Variants in AKR1C3 observed in about 807,000 individuals in gnomAD.
AKR1C3 encodes the protein 3-alpha hydroxysteroid dehydrogenase, type II.
AKR1C3 carries 48 observed loss-of-function variants against 43.6 expected under a neutral mutation model. The ratio of observed to expected loss-of-function variants is 1.10; its 90% confidence interval spans 0.87 to 1.40. The LOEUF (loss-of-function observed/expected upper bound fraction) is 1.40, where lower values mean the gene tolerates loss of function less well. Ranked by LOEUF, AKR1C3 falls within the 40% of genes most tolerant of loss-of-function variation. The pLI, the probability that AKR1C3 is intolerant of heterozygous loss-of-function variation, is 0.00. For missense variants in AKR1C3, 482 were observed against 391.2 expected, an observed-to-expected ratio of 1.23 and a Z score of -1.96; for synonymous variants, 162 against 139.6, an observed-to-expected ratio of 1.16 and a Z score of -1.13.
intron 1 of AKR1C3, chr10:5,081,807 A>G (rs1165666470): frequency 5.3e-5 from 8 of 152,302 alleles, no homozygotes; most frequent in African/African-American, 1.4e-4. Context: ...ATAATGTGGT[A>G]CCATTCATCC....
intron 1 of AKR1C3, among the ~76,000 whole-genome samples, chr10:5,065,825 G>A (rs1242438298): frequency 6.6e-6 from 1 of 152,160 alleles, no homozygotes; most frequent in Non-Finnish European, 1.5e-5. Flanking sequence ...TTATTTTCTT[G>A]ACTCATTTCC....
intron 1 of AKR1C3, among the ~76,000 whole-genome samples, chr10:5,073,920 A>C (rs1394825682): frequency 6.6e-6 from 1 of 152,116 alleles, no homozygotes; most frequent in Non-Finnish European, 1.5e-5. Context: ...AGGGCCCCAA[A>C]ATCACTAAGC....
chr10:5,052,793 C>G (rs1163227703), intron 1 of AKR1C3, among the ~76,000 whole-genome samples: 1 of 151,642 alleles, frequency 6.6e-6, no homozygotes. Context: ...TAGCTAGATA[C>G]AGAGTGTCGA....
chr10:5,098,656 A>G (rs957440887), intron 3 of AKR1C3, 146 bp from the exon 4 acceptor site: 48 of 661,896 alleles, frequency 7.3e-5, no homozygotes, highest in Admixed American at 2.4e-4. Context: ...ATACCTTCAT[A>G]TGTAAAACAC....
At chr10:5,055,983 G>C (rs1838252774) in intron 1 of AKR1C3, among the ~76,000 whole-genome samples, 1 of 152,198 alleles carries the variant, frequency 6.6e-6, no homozygotes. Flanking sequence ...CTCTGGCTAA[G>C]ATTAGGCCTA....
chr10:5,095,338 A>G (rs1370970713), intron 1 of AKR1C3, among the ~76,000 whole-genome samples: 1 of 152,112 alleles, frequency 6.6e-6, no homozygotes, highest in African/African-American at 2.4e-5. Context: ...ACAAGGATAC[A>G]TTTTCTAGAC....
upstream of AKR1C3, among the ~76,000 whole-genome samples, chr10:5,089,574 ATTT>A (rs1298115797): frequency 1.3e-5 from 2 of 151,982 alleles, no homozygotes; most frequent in Non-Finnish European, 2.9e-5. Context: ...CCTTCAGTGA[ATTT>A]TTTTGTTTTC....
At chr10:5,089,772 A>G (rs1554783879), upstream of AKR1C3, among the ~76,000 whole-genome samples, 2 of 152,106 alleles carry the variant, frequency 1.3e-5, no homozygotes, top group African/African-American at 4.8e-5. Context: ...CTGGAGACTT[A>G]GTGTAATTTT....
At chr10:5,065,395 A>T (rs1441455769) in intron 1 of AKR1C3, among the ~76,000 whole-genome samples, 2 of 152,204 alleles carry the variant, frequency 1.3e-5, no homozygotes, top group Non-Finnish European at 2.9e-5. Flanking sequence ...AAATCTTTAC[A>T]TTCTCACAAA....
At chr10:5,070,868 C>T (rs561406334) in intron 1 of AKR1C3, among the ~76,000 whole-genome samples, 1 of 152,292 alleles carries the variant, frequency 6.6e-6, no homozygotes, top group Admixed American at 6.5e-5. Context: ...TTATAACTAA[C>T]CAGTCTGCAG....
In AKR1C3 at chr10:5,102,131, A is replaced by T. The variant is rs536138448; in HGVS notation, c.601A>T (p.Lys201Ter). ...VECHPYFNRS[K>*]LLDFCKSKDI... ...ATGTCATCCGTATTTCAACCGGAGT[A>T]AATTGCTAGATTTCTGCAAGTCGAA... The change falls in exon 6 of 9, where the codon AAA becomes TAA. Residue 201 changes from lysine to a stop codon, truncating the protein, a stop_gained. Coordinates refer to ENST00000380554, the MANE Select transcript of AKR1C3 (RefSeq NM_003739.6). LOFTEE classifies it high-confidence loss of function. The T allele has an allele frequency of 1.2e-6, 2 of 1,613,762 alleles. No individual in the cohort carries two copies. Among genetic ancestry groups the T allele is most frequent in the African/African-American group, 2.7e-5 (2 of 74,900 alleles).
intron 1 of AKR1C3, among the ~76,000 whole-genome samples, chr10:5,050,616 A>AT (rs1449256976): frequency 6.6e-6 from 1 of 152,260 alleles, no homozygotes; most frequent in Non-Finnish European, 1.5e-5. Context: ...TTTTATTAAT[A>AT]TAGAGGAAAA....
chr10:5,093,508 A>G (rs940278411), upstream of AKR1C3: 2 of 152,116 alleles, frequency 1.3e-5, no homozygotes, highest in Admixed American at 6.6e-5. Flanking sequence ...CTGCCCTCCA[A>G]AGGAAGGAAC....
upstream of AKR1C3, among the ~76,000 whole-genome samples, chr10:5,089,776 T>A (rs1329007801): frequency 6.6e-6 from 1 of 152,186 alleles, no homozygotes; most frequent in African/African-American, 2.4e-5. Flanking sequence ...AGACTTAGTG[T>A]AATTTTTTGA....
chr10:5,104,614 A>G (rs1433196385), intron 7 of AKR1C3, among the ~76,000 whole-genome samples: 1 of 152,020 alleles, frequency 6.6e-6, no homozygotes, highest in Non-Finnish European at 1.5e-5. Flanking sequence ...TCCATGAAAG[A>G]GTACATATTT....
intron 1 of AKR1C3, among the ~76,000 whole-genome samples, chr10:5,059,354 G>T (rs1290490136): frequency 1.3e-5 from 2 of 152,158 alleles, no homozygotes; most frequent in Non-Finnish European, 2.9e-5. Context: ...TTAGGACCCA[G>T]GGGGCAAGGG....
At chr10:5,060,525 C>G (rs1417707124) in intron 1 of AKR1C3, among the ~76,000 whole-genome samples, 1 of 152,144 alleles carries the variant, frequency 6.6e-6, no homozygotes, top group Admixed American at 6.5e-5. Flanking sequence ...TTACAAACCT[C>G]GAGCTAGATA....
intron 1 of AKR1C3, among the ~76,000 whole-genome samples, chr10:5,053,953 G>T (rs782467866): frequency 6.6e-6 from 1 of 152,186 alleles, no homozygotes; most frequent in Non-Finnish European, 1.5e-5. Context: ...GGGCCCAAAG[G>T]CAAGTAACAG....
At position 5,102,166 on chromosome 10, in the gene AKR1C3, T is replaced by C. The variant is rs375242472; in HGVS notation, c.636T>C (p.Val212=). The C allele has an allele frequency of 1.0e-4, 163 of 1,613,988 alleles. No homozygotes were observed. Among genetic ancestry groups the C allele is most frequent in the Non-Finnish European group, 1.3e-4 (154 of 1,179,976 alleles). Residue 212 remains valine, a synonymous_variant, in exon 6 of 9, where the codon GTT becomes GTC. Transcript: ENST00000380554. ...ATTTCTGCAAGTCGAAAGATATTGT[T>C]CTGGTTGCCTATAGTGCTCTGGGAT... ...LLDFCKSKDI[V]LVAYSALGSQ... is the part of the protein sequence containing the mutation.
Sources: gnomAD v4.1 joint callset for allele counts (sites outside exome capture counted in the v4.1 genomes callset) on GRCh38, gnomAD v4.1.1 for gene constraint, MANE v1.5 for transcripts, NCBI Gene and HGNC (gene_info 2026-07-23, HGNC 2026-07-21) for gene names.